The following MAGI2 variants were observed in gnomAD, a reference collection of about 807,000 sequenced individuals.
MAGI2 encodes membrane-associated guanylate kinase, WW and PDZ domain-containing protein 2.
A neutral mutation model predicts 133.3 loss-of-function variants in MAGI2; 35 were observed. The ratio of observed to expected loss-of-function variants is 0.26; its 90% CI spans 0.20 to 0.35. The LOEUF is 0.35. MAGI2 is among the 10% of genes least tolerant of loss of function. MAGI2 has a pLI of 1.00. For synonymous variants in MAGI2, 729 were observed against 710.6 expected, an observed-to-expected ratio of 1.03 and a Z score of -0.41; for missense variants, 1,636 against 1,863.4, an observed-to-expected ratio of 0.88 and a Z score of 2.25.
At chr7:78,021,697 A>G (rs1016261970) in intron 21 of MAGI2, among the ~76,000 whole-genome samples, 2 of 152,142 alleles carry the variant, frequency 1.3e-5, no homozygotes, top group Non-Finnish European at 1.5e-5. Flanking sequence ...TCTTCCATAC[A>G]CTGATGTCCA....
At chr7:78,727,222 C>G (rs899627155) in intron 2 of MAGI2, among the ~76,000 whole-genome samples, 13 of 151,972 alleles carry the variant, frequency 8.6e-5, no homozygotes, top group Non-Finnish European at 1.6e-4. Context: ...TAGAGTTTAT[C>G]GATATATAAG....
At chr7:78,905,707 T>C (rs1208421937) in intron 2 of MAGI2, among the ~76,000 whole-genome samples, 1 of 152,194 alleles carries the variant, frequency 6.6e-6, no homozygotes, top group East Asian at 1.9e-4. Flanking sequence ...CTTTGAATTA[T>C]GAGCAATAAA....
chr7:79,045,583 G>A (rs768915602), intron 1 of MAGI2, among the ~76,000 whole-genome samples: 1 of 152,136 alleles, frequency 6.6e-6, no homozygotes, highest in Non-Finnish European at 1.5e-5. Flanking sequence ...ACGAGGTCAG[G>A]AGATCGAGAC....
intron 2 of MAGI2, among the ~76,000 whole-genome samples, chr7:78,636,332 G>C (rs1809633165): frequency 6.8e-6 from 1 of 147,998 alleles, no homozygotes; most frequent in Non-Finnish European, 1.5e-5. Context: ...AACAATGTTA[G>C]GTATCTTCCA....
intron 1 of MAGI2, among the ~76,000 whole-genome samples, chr7:79,396,950 A>C (rs1018128522): frequency 6.6e-6 from 1 of 152,132 alleles, no homozygotes; most frequent in Non-Finnish European, 1.5e-5. Flanking sequence ...TTTTAAGTAT[A>C]AAAATGTTAG....
At chr7:79,170,179 T>G (rs1825387461) in intron 1 of MAGI2, among the ~76,000 whole-genome samples, 1 of 127,956 alleles carries the variant, frequency 7.8e-6, no homozygotes, top group South Asian at 2.7e-4. Flanking sequence ...GACAGGGTCT[T>G]GCTCTGTTCC....
At chr7:78,085,941 A>T (rs10252973) in intron 20 of MAGI2, among the ~76,000 whole-genome samples, 3,921 of 152,232 alleles carry the variant, frequency 0.026, 111 homozygotes, top group African/African-American at 0.077. Flanking sequence ...GACATTCATA[A>T]CGGGGAGCTG....
intron 1 of MAGI2, among the ~76,000 whole-genome samples, chr7:79,225,873 A>G (rs554654853): frequency 2.0e-5 from 3 of 152,166 alleles, no homozygotes; most frequent in Non-Finnish European, 2.9e-5. Context: ...AACACATTTT[A>G]TGGCCTGATT....
At chr7:78,295,588 C>T (rs773322244) in intron 9 of MAGI2, among the ~76,000 whole-genome samples, 5 of 152,150 alleles carry the variant, frequency 3.3e-5, no homozygotes, top group Non-Finnish European at 5.9e-5. Context: ...CTCCTAGTTC[C>T]TATCACAATG....
At chr7:79,002,935 G>A (rs189429797) in intron 2 of MAGI2, among the ~76,000 whole-genome samples, 104 of 149,646 alleles carry the variant, frequency 6.9e-4, no homozygotes, top group African/African-American at 2.3e-3. Context: ...AGAATTAGGC[G>A]GGCTCTGAGA....
intron 2 of MAGI2, among the ~76,000 whole-genome samples, chr7:78,842,242 G>A (rs894945534): frequency 3.3e-5 from 5 of 151,978 alleles, no homozygotes; most frequent in Admixed American, 1.3e-4. Context: ...CCTCCTGTAA[G>A]GAGAGATGTG....
chr7:79,002,620 A>C (rs2116473033), intron 2 of MAGI2, among the ~76,000 whole-genome samples: 1 of 152,242 alleles, frequency 6.6e-6, no homozygotes, highest in African/African-American at 2.4e-5. Flanking sequence ...TGGGAGATAA[A>C]ATTAGAACTT....
chr7:78,260,037 TAGA>T (rs1248721228), intron 9 of MAGI2, among the ~76,000 whole-genome samples: 1 of 152,120 alleles, frequency 6.6e-6, no homozygotes. Flanking sequence ...TGAAGATACG[TAGA>T]AGATTTCTGA....
intron 2 of MAGI2, among the ~76,000 whole-genome samples, chr7:78,869,155 ATAGT>A (rs1469680872): frequency 2.6e-5 from 4 of 152,336 alleles, no homozygotes; most frequent in Non-Finnish European, 5.9e-5. Context: ...TGTCAGGTGC[ATAGT>A]TAGAGAATAT....
chr7:78,519,638 A>C (rs1403804192), intron 4 of MAGI2, among the ~76,000 whole-genome samples: 1 of 152,188 alleles, frequency 6.6e-6, no homozygotes, highest in South Asian at 2.1e-4. Flanking sequence ...ATAAGGTATG[A>C]ATAGAAGGAA....
intron 3 of MAGI2, among the ~76,000 whole-genome samples, chr7:78,590,310 G>T (rs1803867478): frequency 6.6e-6 from 1 of 152,116 alleles, no homozygotes; most frequent in East Asian, 1.9e-4. Context: ...GTGACCTCTG[G>T]TGTGGAGGGT....
intron 1 of MAGI2, among the ~76,000 whole-genome samples, chr7:79,319,166 A>G (rs1838980899): frequency 6.6e-6 from 1 of 152,120 alleles, no homozygotes; most frequent in African/African-American, 2.4e-5. Flanking sequence ...ATCTACCCTC[A>G]GTTTACAGAC....
chr7:78,396,892 A>G (rs1796394381), intron 6 of MAGI2, among the ~76,000 whole-genome samples: 1 of 152,172 alleles, frequency 6.6e-6, no homozygotes. Context: ...TATTAGTTCA[A>G]TATCGGGTCG....
intron 2 of MAGI2, among the ~76,000 whole-genome samples, chr7:78,869,436 G>T (rs1447932364): frequency 1.3e-5 from 2 of 152,086 alleles, no homozygotes; most frequent in Admixed American, 1.3e-4. Flanking sequence ...TCATTCTTCT[G>T]CATGATGCCT....
Sources: gnomAD v4.1 joint callset for allele counts (sites outside exome capture counted in the v4.1 genomes callset) on GRCh38, gnomAD v4.1.1 for gene constraint, MANE v1.5 for transcripts, NCBI Gene and HGNC (gene_info 2026-07-23, HGNC 2026-07-21) for gene names.